Variants in ATAD5 observed in about 807,000 individuals in gnomAD.
ATAD5 encodes the protein ATPase family AAA domain containing 5.
A neutral mutation model predicts 176.9 loss-of-function variants in ATAD5; 58 were observed. The observed-to-expected ratio is 0.33, with a 90% CI of 0.27 to 0.41. The LOEUF (loss-of-function observed/expected upper bound fraction) is 0.41, where lower values mean the gene tolerates loss of function less well. Ranked by LOEUF, ATAD5 falls within the 10% of genes least tolerant of loss-of-function variation. The probability of loss-of-function intolerance (pLI) is 1.00; values close to 1 mark genes in which losing one functional copy is unlikely to be tolerated. For missense variants in ATAD5, 1,789 were observed against 2,094.1 expected, an observed-to-expected ratio of 0.85 and a Z score of 2.84; for synonymous variants, 640 against 712.6, an observed-to-expected ratio of 0.90 and a Z score of 1.62.
At chr17:30,879,390 AT>A (rs375473088) in intron 17 of ATAD5, 32 bp from the exon 18 acceptor site, 32,176 of 1,090,174 alleles carry the variant, frequency 0.03, no homozygotes, top group East Asian at 0.067. Flanking sequence ...GTGTTTAAGA[AT>A]TTTTTTTTTT....
chr17:30,889,615 T>C (rs896264966), intron 19 of ATAD5, among the ~76,000 whole-genome samples: 3 of 151,778 alleles, frequency 2.0e-5, no homozygotes, highest in Admixed American at 6.6e-5. Flanking sequence ...TTTTTTTCAG[T>C]CATCATTGTT....
rs1197682524 is a variant in ATAD5 at position 30,835,485 on chromosome 17, A to C, written c.1404A>C (p.Gly468=). Residue 468 remains glycine, a synonymous_variant, in exon 2 of 23, where the codon GGA becomes GGC. Coordinates refer to ENST00000321990, the MANE Select transcript of ATAD5 (RefSeq NM_024857.5). ...NGNLQLHTDK[G]SFLKEKNKKL... Reference sequence around the variant, plus strand: ...ATTTACAGTTACACACTGATAAAGGAAGTTTTCTGAAGGAGAAAAATAAAA... The same window carrying C: ...ATTTACAGTTACACACTGATAAAGGCAGTTTTCTGAAGGAGAAAAATAAAA... 6.2e-7 allele frequency: 1 copy of C among 1,607,804 alleles called. No homozygotes were observed. The highest frequency in any genetic ancestry group is 8.5e-7 in the Non-Finnish European group (1 of 1,178,568).
chr17:30,835,383 A>G lies in ATAD5; in HGVS notation c.1302A>G (p.Leu434=), dbSNP rs916281942. ...DKQKDLNEKC[L]YEVGRDDNSK... ...AGAAAGACCTTAATGAAAAATGTCT[A>G]TATGAAGTAGGAAGAGATGATAATT... is the stretch of plus-strand genomic sequence containing the variant. Residue 434 remains leucine, a synonymous_variant, in exon 2 of 23, where the codon CTA becomes CTG. Coordinates refer to ENST00000321990, the MANE Select transcript of ATAD5 (RefSeq NM_024857.5). The G allele has an allele frequency of 2.2e-5, 35 of 1,611,066 alleles. No individual in the cohort carries two copies. Among genetic ancestry groups the G allele is most frequent in the African/African-American group, 1.9e-4 (14 of 74,688 alleles).
At chr17:30,892,425 TAAA>T (rs67654723) in intron 19 of ATAD5, among the ~76,000 whole-genome samples, 179 bp from the exon 20 acceptor site, 41 of 133,250 alleles carry the variant, frequency 3.1e-4, no homozygotes, top group Admixed American at 3.0e-4. Flanking sequence ...ACTCTGTCTT[TAAA>T]AAAAAAAAAA....
At chr17:30,884,282 A>C (rs1909184011) in intron 18 of ATAD5, among the ~76,000 whole-genome samples, 1 of 151,586 alleles carries the variant, frequency 6.6e-6, no homozygotes, top group Non-Finnish European at 1.5e-5. Flanking sequence ...CAGCCTCCCA[A>C]AGTGCTGGGA....
chr17:30,854,820 G>A (rs1039717249), intron 6 of ATAD5, among the ~76,000 whole-genome samples: 9 of 152,100 alleles, frequency 5.9e-5, no homozygotes, highest in African/African-American at 1.7e-4. Context: ...GTACAGTGGC[G>A]CGATCCTGAC....
intron 14 of ATAD5, among the ~76,000 whole-genome samples, chr17:30,871,286 A>T (rs930408571): frequency 6.7e-6 from 1 of 149,984 alleles, no homozygotes; most frequent in Non-Finnish European, 1.5e-5. Context: ...AGGTTTTTGA[A>T]CATATGGAAT....
At position 30,892,728 on chromosome 17, in the gene ATAD5, G is replaced by A. The variant is rs1223895549; in HGVS notation, c.4380G>A (p.Glu1460=). The A allele has an allele frequency of 6.3e-7, 1 of 1,588,812 alleles. No individual in the cohort carries two copies. The highest frequency in any genetic ancestry group is 8.6e-7 in the Non-Finnish European group (1 of 1,168,954). ...DLPKCDSGCA[E]TLFGLKNIFS... ...CAAAATGTGACAGTGGCTGTGCTGA[G>A]ACCTTGTTTGGCCTTAAGAACATTT... is the stretch of plus-strand genomic sequence containing the variant. The change falls in exon 20 of 23, where the codon GAG becomes GAA. Residue 1460 remains glutamate (E), a synonymous_variant. Coordinates refer to ENST00000321990, the MANE Select transcript of ATAD5 (RefSeq NM_024857.5).
At position 30,844,913 on chromosome 17, in the gene ATAD5, G is replaced by A; in HGVS notation, c.2447G>A (p.Ser816Asn). Reference sequence around the variant, plus strand: ...GATCCTGTCCCTAGTTTTGATGAAAGCAGGTCAGTCCAATACAAATTTTTA... The same window carrying A: ...GATCCTGTCCCTAGTTTTGATGAAAACAGGTCAGTCCAATACAAATTTTTA... ...AADPVPSFDE[S>N]SQDTSEKSQD... Residue 816 changes from serine to asparagine, a missense_variant, in exon 6 of 23, where the codon AGC (serine) becomes AAC (asparagine). Ser to Asn is a conservative substitution (Grantham distance 46, BLOSUM62 1). This residue lies in a region of ATAD5 where 487 missense variants were observed against 573.6 expected (regional missense o/e 0.85). Transcript: ENST00000321990. 6.3e-7 allele frequency: 1 copy of A among 1,584,840 alleles called. No homozygotes were observed.
At position 30,855,301 on chromosome 17, in the gene ATAD5, T is replaced by C; in HGVS notation, c.2609T>C (p.Val870Ala). Residue 870 changes from valine (V) to alanine (A), a missense_variant, in exon 7 of 23, where the codon GTC (valine) becomes GCC (alanine). Coordinates refer to ENST00000321990, the MANE Select transcript of ATAD5 (RefSeq NM_024857.5). ...YNAVSTSFQR[V>A]VHVQQKDDGC... ...GCAGTGAGTACCAGTTTCCAGAGAGTCGTACATGTGCAACAAAAGGATGAT... is the reference window on the plus strand; with the variant it reads ...GCAGTGAGTACCAGTTTCCAGAGAGCCGTACATGTGCAACAAAAGGATGAT... 6.3e-7 allele frequency: 1 copy of C among 1,598,614 alleles called. No homozygotes were observed. Among genetic ancestry groups the C allele is most frequent in the Non-Finnish European group, 8.5e-7 (1 of 1,174,886 alleles).
At chr17:30,877,617 T>C (rs1054480051) in intron 16 of ATAD5, 68 bp downstream of exon 16, 13 of 1,472,058 alleles carry the variant, frequency 8.8e-6, no homozygotes, top group Non-Finnish European at 1.1e-5. Context: ...ATACTGTATG[T>C]TTTCTTATAA....
intron 11 of ATAD5, among the ~76,000 whole-genome samples, chr17:30,866,754 G>C (rs1908010474): frequency 6.6e-6 from 1 of 152,020 alleles, no homozygotes; most frequent in African/African-American, 2.4e-5. Context: ...GGTGAGGATT[G>C]CAGCGAGCCG....
At chr17:30,879,303 C>T in intron 17 of ATAD5, 120 bp from the exon 18 acceptor site, 3 of 1,087,848 alleles carry the variant, frequency 2.8e-6, no homozygotes, top group Non-Finnish European at 4.0e-6. Flanking sequence ...CACCACAGCA[C>T]TAGGCAGTGG....
chr17:30,893,986 T>G lies in ATAD5; in HGVS notation c.5133T>G (p.Ala1711=). 1.2e-6 allele frequency: 2 copies of G among 1,614,054 alleles called. No homozygotes were observed. The highest frequency in any genetic ancestry group is 2.2e-5 in the South Asian group (2 of 91,074). ...AAAGCTCTGGAGAATTAAAGGCAGC[T>G]GCAGAAGCTCTCAGCTTTACTAAAT... ...TSQSSGELKA[A]AEALSFTKCS... is the part of the protein sequence containing the mutation. Residue 1711 remains alanine, a synonymous_variant, in exon 21 of 23, where the codon GCT becomes GCG. Transcript: ENST00000321990.
intron 14 of ATAD5, among the ~76,000 whole-genome samples, chr17:30,873,610 G>A (rs1908467032): frequency 6.6e-6 from 1 of 151,644 alleles, no homozygotes; most frequent in South Asian, 2.1e-4. Flanking sequence ...GAGCCACTGT[G>A]CCTGGCCAAT....
chr17:30,878,716 GTGTTTTTTTTT>G (rs1908811017), intron 17 of ATAD5, among the ~76,000 whole-genome samples: 4 of 82,658 alleles, frequency 4.8e-5, no homozygotes, highest in African/African-American at 1.0e-4. Context: ...AAGTTAGGTG[GTGTTTTTTTTT>G]TTTTTTTTTT....
chr17:30,855,022 G>T (rs950768513), intron 6 of ATAD5, 121 bp from the exon 7 acceptor site: 3 of 913,890 alleles, frequency 3.3e-6, no homozygotes, highest in Non-Finnish European at 4.8e-6. Flanking sequence ...GCCTCTCAAA[G>T]TACTTATATT....
rs747210617 is a variant in ATAD5, at chr17:30,894,840, T to C, written c.5462T>C (p.Leu1821Pro). ...KEQGKSKRRF[L>P]HYFEGIHLDI... ...TTTCTTTGTAATTTTGACAGATTCCTGCACTATTTTGAAGGAATTCATCTT... is the reference window on the plus strand; with the variant it reads ...TTTCTTTGTAATTTTGACAGATTCCCGCACTATTTTGAAGGAATTCATCTT... Residue 1821 changes from leucine (L) to proline (P), a missense_variant, in exon 23 of 23, where the codon CTG (leucine) becomes CCG (proline). Coordinates refer to ENST00000321990, the MANE Select transcript of ATAD5 (RefSeq NM_024857.5). 2.5e-6 allele frequency: 4 copies of C among 1,586,920 alleles called. No individual in the cohort carries two copies. The African/African-American group carries it at 5.5e-5, about 22-fold the overall frequency.
rs749944815 is a variant in ATAD5 at position 30,894,606 on chromosome 17, G to A, written c.5340G>A (p.Ser1780=). The change falls in exon 22 of 23, where the codon TCG becomes TCA. Residue 1780 remains serine (S), a synonymous_variant. Transcript: ENST00000321990. ...TATCAGTCATTAAAAGTGTATTTTCGAGTCGATCTCTTCTCTATGTGGGTA... is the reference window on the plus strand; with the variant it reads ...TATCAGTCATTAAAAGTGTATTTTCAAGTCGATCTCTTCTCTATGTGGGTA... The part of the protein sequence containing the change: ...KRISVIKSVF[S]SRSLLYVGNR... The A allele has an allele frequency of 1.1e-5, 17 of 1,612,392 alleles. No individual in the cohort carries two copies. Among genetic ancestry groups the A allele is most frequent in the African/African-American group, 8.0e-5 (6 of 74,814 alleles).
Sources: allele counts gnomAD v4.1 joint callset (sites outside exome capture counted in the v4.1 genomes callset), GRCh38; gene constraint gnomAD v4.1.1; regional missense constraint gnomAD v4.1.1; transcripts MANE v1.5; gene names NCBI Gene and HGNC (gene_info 2026-07-23, HGNC 2026-07-21).